The following SMIM8 variants were observed in gnomAD, a reference collection of about 807,000 sequenced individuals.
SMIM8 encodes the protein UPF0708 protein C6orf162.
A neutral mutation model predicts 8.1 loss-of-function variants in SMIM8; 8 were observed. That is an observed-to-expected ratio of 0.99 (90% CI 0.58 to 1.78). SMIM8 has a LOEUF of 1.78. Ranked by LOEUF, SMIM8 falls within the 40% of genes most tolerant of loss-of-function variation. The pLI is 0.00. For synonymous variants in SMIM8, 45 were observed against 39.7 expected, an observed-to-expected ratio of 1.13 and a Z score of -0.50; for missense variants, 126 against 119.8, an observed-to-expected ratio of 1.05 and a Z score of -0.24.
At chr6:87,331,750 G>C (rs1432968486) in intron 2 of SMIM8, among the ~76,000 whole-genome samples, 1 of 152,074 alleles carries the variant, frequency 6.6e-6, no homozygotes, top group African/African-American at 2.4e-5. Flanking sequence ...GTGTAAATAA[G>C]TTCATGGAAT....
Position 87,337,151 on chromosome 6 carries a change from G to A in SMIM8, c.120G>A (p.Glu40=), listed in dbSNP as rs1304194946. 1 of 1,610,962 alleles carries A rather than the reference G, an allele frequency of 6.2e-7. No individual in the cohort carries two copies. The highest frequency in any genetic ancestry group is 8.5e-7 in the Non-Finnish European group (1 of 1,178,364). Residue 40 remains glutamate, a synonymous_variant, in exon 3 of 4, where the codon GAG becomes GAA. Coordinates refer to ENST00000392863, the MANE Select transcript of SMIM8 (RefSeq NM_001042493.3). ...CCTTATTTCGTGCTGTGAATCCAGA[G>A]CTCTTCATTAAACCTGTAAGAAATA... The part of the protein sequence containing the change: ...TTTLFRAVNP[E]LFIKPNKPVM...
intron 1 of SMIM8, among the ~76,000 whole-genome samples, chr6:87,325,983 G>A (rs559546381): frequency 1.3e-5 from 2 of 152,146 alleles, no homozygotes; most frequent in African/African-American, 4.8e-5. Context: ...CTTCTTCCTA[G>A]TTTAGTCTTG....
At chr6:87,336,385 G>A (rs548290012) in intron 2 of SMIM8, among the ~76,000 whole-genome samples, 1 of 152,330 alleles carries the variant, frequency 6.6e-6, no homozygotes, top group East Asian at 1.9e-4. Flanking sequence ...GATAAAAAAG[G>A]ATATTCAGAT....
rs571331391 is a variant in SMIM8, at chr6:87,342,107, C to T, written c.*1833C>T. 6.6e-6 allele frequency: 1 copy of T among 152,270 alleles called. No homozygotes were observed. Among genetic ancestry groups the T allele is most frequent in the South Asian group, 2.1e-4 (1 of 4,822 alleles). The allele number at this position is 152,270 out of a possible 1,614,324, so 9.4% of individuals were successfully genotyped here. A position where few individuals can be genotyped will look rare whatever the true frequency, so the allele number is the denominator to read the frequency against. The stretch of plus-strand genomic sequence containing the variant: ...ATGAACCAAAGTAACTAGAGTCAGT[C>T]AAGCACAAAGCTGTGAAAAGTAGTG... On this transcript the variant is annotated 3_prime_UTR_variant, in exon 4 of 4. Transcript: ENST00000392863.
chr6:87,337,210 A>G (rs758023846), intron 3 of SMIM8, 44 bp downstream of exon 3: 11 of 1,522,390 alleles, frequency 7.2e-6, no homozygotes, highest in Non-Finnish European at 9.7e-6. Flanking sequence ...TAATCCAACC[A>G]GACTGTCAGA....
chr6:87,322,590 G>C lies in SMIM8; in HGVS notation c.-87G>C, dbSNP rs1435198981. ...TCTAGCAGGCGGGGCGGCGAAGCGG[G>C]GCGGGGCGTCTCGGGCGAGGAGAGG... is the stretch of plus-strand genomic sequence containing the variant. On this transcript the variant is annotated 5_prime_UTR_variant, in exon 1 of 4. Coordinates refer to ENST00000392863, the MANE Select transcript of SMIM8 (RefSeq NM_001042493.3). 1 of 152,382 alleles carries C rather than the reference G, an allele frequency of 6.6e-6. No individual in the cohort carries two copies. Among genetic ancestry groups the C allele is most frequent in the African/African-American group, 2.4e-5 (1 of 41,448 alleles). 9.4% of individuals were successfully genotyped at this position (152,382 alleles called of 1,614,324 possible). A position where few individuals can be genotyped will look rare whatever the true frequency, so the allele number is the denominator to read the frequency against.
intron 3 of SMIM8, among the ~76,000 whole-genome samples, chr6:87,338,001 ATATT>A (rs1479760051): frequency 3.9e-5 from 6 of 152,232 alleles, no homozygotes; most frequent in Admixed American, 1.3e-4. Context: ...AATATGATAA[ATATT>A]TAAGTGTGTT....
chr6:87,335,542 C>G (rs967780908), intron 2 of SMIM8, among the ~76,000 whole-genome samples: 1 of 152,058 alleles, frequency 6.6e-6, no homozygotes, highest in Non-Finnish European at 1.5e-5. Flanking sequence ...AGCAGATGTT[C>G]CTCTTGAGGT....
rs144805353 is a variant in SMIM8 at position 87,337,125 on chromosome 6, A to G, written c.94A>G (p.Thr32Ala). The G allele has an allele frequency of 1.2e-6, 2 of 1,612,880 alleles. No individual in the cohort carries two copies. The highest frequency in any genetic ancestry group is 8.5e-7 in the Non-Finnish European group (1 of 1,179,276). The stretch of plus-strand genomic sequence containing the variant: ...AGGGCTCAGAGGGGTGCGCACAACA[A>G]CCTTATTTCGTGCTGTGAATCCAGA... ...SPGLRGVRTT[T>A]LFRAVNPELF... Residue 32 changes from threonine (T) to alanine (A), a missense_variant, in exon 3 of 4, where the codon ACC becomes GCC. Thr to Ala is a moderately conservative substitution (Grantham distance 58). Coordinates refer to ENST00000392863, the MANE Select transcript of SMIM8 (RefSeq NM_001042493.3).
chr6:87,333,302 G>C (rs762260289), intron 2 of SMIM8, among the ~76,000 whole-genome samples: 1 of 152,236 alleles, frequency 6.6e-6, no homozygotes, highest in African/African-American at 2.4e-5. Context: ...CTATTCATGA[G>C]GGATCCACCC....
chr6:87,325,841 G>A, intron 1 of SMIM8, among the ~76,000 whole-genome samples: 1 of 152,210 alleles, frequency 6.6e-6, no homozygotes, highest in East Asian at 1.9e-4. Context: ...AGAAGGAATG[G>A]TACCAGTTCC....
At chr6:87,328,195 T>C (rs978891454) in intron 1 of SMIM8, among the ~76,000 whole-genome samples, 1 of 152,206 alleles carries the variant, frequency 6.6e-6, no homozygotes, top group African/African-American at 2.4e-5. Context: ...TTGCCTTTGG[T>C]TTGAATTTCC....
rs1475071043 is a variant in SMIM8 at position 87,327,901 on chromosome 6, G to A, written c.-44-2791G>A. On this transcript the variant is annotated intron_variant, in intron 1 of 3. Transcript: ENST00000392863. Reference sequence around the variant, plus strand: ...TCACTTTCAGGTACACCAATCAGACGTAGATTTGGTCTTTTCACATAGTCC... The same window carrying A: ...TCACTTTCAGGTACACCAATCAGACATAGATTTGGTCTTTTCACATAGTCC... Among the ~76,000 whole-genome samples the A allele has an allele frequency of 1.2e-4, 18 of 149,620 alleles. No individual in the cohort carries two copies. The East Asian group carries it at 2.9e-3, about 24-fold the overall frequency.
chr6:87,333,655 T>C (rs138461670), intron 2 of SMIM8, among the ~76,000 whole-genome samples: 26 of 152,248 alleles, frequency 1.7e-4, no homozygotes, highest in African/African-American at 6.3e-4. Flanking sequence ...TACCCCAACA[T>C]TGTTCACATT....
At chr6:87,328,844 C>G (rs898342048) in intron 1 of SMIM8, among the ~76,000 whole-genome samples, 6 of 152,212 alleles carry the variant, frequency 3.9e-5, no homozygotes, top group Non-Finnish European at 7.3e-5. Flanking sequence ...GGCGCCCCTC[C>G]CCCAGCCTCA....
chr6:87,340,965 C>A lies in SMIM8; in HGVS notation c.*691C>A. On this transcript the variant is annotated 3_prime_UTR_variant, in exon 4 of 4. Coordinates refer to ENST00000392863, the MANE Select transcript of SMIM8 (RefSeq NM_001042493.3). ...AAAAAAAAAAAAAAAGTATGTTTTA[C>A]TGAGGTATGATGATTTTGACTACAA... 6.0e-5 allele frequency: 12 copies of A among 200,894 alleles called. No individual in the cohort carries two copies. Among genetic ancestry groups the A allele is most frequent in the Non-Finnish European group, 4.9e-5 (5 of 102,656 alleles). 12.4% of individuals were successfully genotyped at this position (200,894 alleles called of 1,614,324 possible). A position where few individuals can be genotyped will look rare whatever the true frequency, so the allele number is the denominator to read the frequency against.
intron 1 of SMIM8, chr6:87,329,409 G>A (rs1776935973): frequency 6.6e-6 from 1 of 152,382 alleles, no homozygotes; most frequent in African/African-American, 2.4e-5. Context: ...CGAGGAGCTG[G>A]GATTACAGGC....
At chr6:87,325,139 T>C (rs1228854335) in intron 1 of SMIM8, among the ~76,000 whole-genome samples, 1 of 152,230 alleles carries the variant, frequency 6.6e-6, no homozygotes, top group Admixed American at 6.5e-5. Context: ...TTTGCTGAAG[T>C]TGCTTATCAG....
intron 1 of SMIM8, among the ~76,000 whole-genome samples, chr6:87,325,881 G>A (rs1027338008): frequency 1.3e-5 from 2 of 152,210 alleles, no homozygotes; most frequent in Non-Finnish European, 2.9e-5. Flanking sequence ...ATTCGGCTGT[G>A]AAGCCATCTG....
Sources: allele counts gnomAD v4.1 joint callset (sites outside exome capture counted in the v4.1 genomes callset), GRCh38; gene constraint gnomAD v4.1.1; transcripts MANE v1.5; gene names NCBI Gene and HGNC (gene_info 2026-07-23, HGNC 2026-07-21).